The following FRMD4B variants were observed in gnomAD, a reference collection of about 807,000 sequenced individuals.
FRMD4B encodes FERM domain containing 4B.
Under a neutral mutation model 141.5 loss-of-function variants are expected in FRMD4B, and 74 were observed. The observed-to-expected ratio is 0.52, with a 90% confidence interval of 0.43 to 0.63. The LOEUF is 0.63. Among genes scored for constraint, FRMD4B ranks in the 30% least tolerant of loss-of-function variants. The pLI is 0.00. For synonymous variants in FRMD4B, 506 were observed against 467.9 expected (o/e 1.08, Z -1.05); for missense variants, 1,366 against 1,253.4 (o/e 1.09, Z -1.36).
At chr3:69,518,651 G>A (rs1322758347) in intron 1 of FRMD4B, among the ~76,000 whole-genome samples, 1 of 152,168 alleles carries the variant, frequency 6.6e-6, no homozygotes, top group Non-Finnish European at 1.5e-5. Context: ...GCTGGCTGGA[G>A]CAAAGATTGA....
intron 1 of FRMD4B, among the ~76,000 whole-genome samples, chr3:69,494,946 A>G (rs910688203): frequency 4.8e-5 from 7 of 144,546 alleles, no homozygotes; most frequent in Non-Finnish European, 1.1e-4. Flanking sequence ...GAGGAGGGGA[A>G]GAGAGGGGAG....
At position 69,252,475 on chromosome 3, in the gene FRMD4B, T is replaced by G. The variant is rs73838326; in HGVS notation, c.502-2376A>C. Among the ~76,000 whole-genome samples the G allele has an allele frequency of 2.1e-3, 319 of 152,334 alleles. 2 individuals carry two copies. Among genetic ancestry groups the G allele is most frequent in the African/African-American group, 7.4e-3 (306 of 41,574 alleles). ...CATGCTTTGGCAAAGGCCCATATTC[T>G]TTTAAAACCCTCAGCCCCTACCTCA... On this transcript the variant is annotated intron_variant, in intron 5 of 22. Coordinates refer to ENST00000398540, the MANE Select transcript of FRMD4B (RefSeq NM_015123.3).
chr3:69,192,111 G>A (rs73114364), intron 17 of FRMD4B, among the ~76,000 whole-genome samples: 32 of 152,264 alleles, frequency 2.1e-4, no homozygotes, highest in Non-Finnish European at 4.3e-4. Context: ...AAGGCTGGGC[G>A]TGGTGGCTCA....
chr3:69,361,174 C>T (rs1703462163), intron 1 of FRMD4B, among the ~76,000 whole-genome samples: 1 of 151,856 alleles, frequency 6.6e-6, no homozygotes, highest in African/African-American at 2.4e-5. Context: ...TTAAAATTTT[C>T]TTTACTGATA....
Position 69,311,324 on chromosome 3 carries a change from C to G in FRMD4B, c.262G>C (p.Val88Leu). 1.2e-6 allele frequency: 2 copies of G among 1,603,726 alleles called. No individual in the cohort carries two copies. Among genetic ancestry groups the G allele is most frequent in the Non-Finnish European group, 1.7e-6 (2 of 1,171,238 alleles). The part of the protein sequence containing the change: ...KLLARELLDL[V>L]ASHFNLKEKE... Reference sequence around the variant, plus strand: ...TCTTTCAGGTTGAAATGTGAAGCCACTAGGTCCAGCAACTCTCTTGCTAGA... The same window carrying G: ...TCTTTCAGGTTGAAATGTGAAGCCAGTAGGTCCAGCAACTCTCTTGCTAGA... The change falls in exon 3 of 23, where the codon GTG becomes CTG. Residue 88 changes from valine to leucine, a missense_variant. Val to Leu is a conservative substitution (Grantham distance 32, BLOSUM62 1). Transcript: ENST00000398540.
Position 69,241,310 on chromosome 3 carries a change from A to G in FRMD4B, c.581+7916T>C, listed in dbSNP as rs563727445. 2.6e-5 allele frequency among the ~76,000 whole-genome samples: 4 copies of G among 152,320 alleles called. No individual in the cohort carries two copies. In the South Asian group the frequency reaches 8.3e-4, roughly 32 times the overall value. On this transcript the variant is annotated intron_variant, in intron 7 of 22. Transcript: ENST00000398540. ...AGAGTAGAGTGTGTGGTCCAGCAAGAGGCTGAAATAAGAGTGGAAAATGCT... is the reference window on the plus strand; with the variant it reads ...AGAGTAGAGTGTGTGGTCCAGCAAGGGGCTGAAATAAGAGTGGAAAATGCT...
At chr3:69,247,110 A>G (rs766147507) in intron 7 of FRMD4B, among the ~76,000 whole-genome samples, 1 of 152,202 alleles carries the variant, frequency 6.6e-6, no homozygotes, top group Non-Finnish European at 1.5e-5. Flanking sequence ...AATGAGGATA[A>G]TAATAACTAA....
chr3:69,178,238 G>C (rs1452370996), intron 21 of FRMD4B, among the ~76,000 whole-genome samples: 1 of 152,170 alleles, frequency 6.6e-6, no homozygotes, highest in East Asian at 1.9e-4. Context: ...AAGTGCCTGT[G>C]ATCACTATGG....
chr3:69,198,549 G>A (rs2092931805), intron 12 of FRMD4B, 149 bp downstream of exon 12: 2 of 613,788 alleles, frequency 3.3e-6, no homozygotes, highest in Non-Finnish European at 5.9e-6. Context: ...GTTAAAGATA[G>A]TTACCATTTG....
chr3:69,396,731 A>T (rs866460486), intron 2 of FRMD4B, among the ~76,000 whole-genome samples: 1 of 152,216 alleles, frequency 6.6e-6, no homozygotes, highest in Non-Finnish European at 1.5e-5. Context: ...TGCCATCTTC[A>T]TACATTACTA....
chr3:69,330,669 T>C (rs967253832), intron 1 of FRMD4B, among the ~76,000 whole-genome samples: 1 of 151,522 alleles, frequency 6.6e-6, no homozygotes, highest in Non-Finnish European at 1.5e-5. Context: ...CTTATCTATG[T>C]ATTTTATAAT....
chr3:69,234,831 T>C (rs1647811094), intron 7 of FRMD4B, among the ~76,000 whole-genome samples: 1 of 152,114 alleles, frequency 6.6e-6, no homozygotes, highest in East Asian at 1.9e-4. Context: ...TAAGAACCAC[T>C]GCAATAGGAT....
chr3:69,443,823 A>G (rs1705372994), intron 1 of FRMD4B, among the ~76,000 whole-genome samples: 1 of 152,234 alleles, frequency 6.6e-6, no homozygotes, highest in Non-Finnish European at 1.5e-5. Context: ...GAAAAGCCAC[A>G]AGGTTAGGAT....
chr3:69,371,544 A>C (rs1371071341), intron 1 of FRMD4B, among the ~76,000 whole-genome samples: 1 of 152,162 alleles, frequency 6.6e-6, no homozygotes, highest in Non-Finnish European at 1.5e-5. Flanking sequence ...AAAACACTGC[A>C]GGGGCGGTTG....
At chr3:69,338,342 A>G (rs113983641) in intron 1 of FRMD4B, among the ~76,000 whole-genome samples, 3,966 of 152,266 alleles carry the variant, frequency 0.026, 195 homozygotes, top group African/African-American at 0.091. Flanking sequence ...GCATTAGGAG[A>G]TATACCTAAT....
intron 1 of FRMD4B, among the ~76,000 whole-genome samples, chr3:69,363,246 A>ATTTTTT: frequency 2.4e-5 from 1 of 42,100 alleles, no homozygotes; most frequent in African/African-American, 1.6e-4. Flanking sequence ...TCTTTTTACC[A>ATTTTTT]TGTTTTTTTT....
At chr3:69,375,899 CA>C (rs1025177898) in intron 1 of FRMD4B, among the ~76,000 whole-genome samples, 1 of 152,036 alleles carries the variant, frequency 6.6e-6, no homozygotes, top group Non-Finnish European at 1.5e-5. Context: ...CTCATATGCA[CA>C]AAGAGACAAG....
At position 69,208,330 on chromosome 3, in the gene FRMD4B, C is replaced by T. The variant is rs567187056; in HGVS notation, c.876+7933G>A. Among the ~76,000 whole-genome samples the T allele has an allele frequency of 6.6e-5, 10 of 152,230 alleles. No homozygotes were observed. In the East Asian group the frequency reaches 1.9e-3, roughly 29 times the overall value. On this transcript the variant is annotated intron_variant, in intron 11 of 22. Transcript: ENST00000398540. ...CTACCCACCTCGGCCTCCCAAAGTG[C>T]TGGGATTATAGGCATGAGCCACCAC...
At chr3:69,204,670 G>A (rs2093004733) in intron 11 of FRMD4B, among the ~76,000 whole-genome samples, 1 of 152,184 alleles carries the variant, frequency 6.6e-6, no homozygotes, top group African/African-American at 2.4e-5. Context: ...TCCATCAAAT[G>A]TTTATGTGAC....
Sources: allele counts gnomAD v4.1 joint callset (sites outside exome capture counted in the v4.1 genomes callset), GRCh38; gene constraint gnomAD v4.1.1; transcripts MANE v1.5; gene names NCBI Gene and HGNC (gene_info 2026-07-23, HGNC 2026-07-21).